DMD: variants seen among roughly 807,000 people sequenced by gnomAD.
DMD encodes the protein mutant dystrophin.
In DMD, 63 loss-of-function variants were observed where a neutral mutation model predicts 330.1. The observed-to-expected ratio is 0.19, with a 90% CI of 0.16 to 0.24. The LOEUF (loss-of-function observed/expected upper bound fraction) is 0.24. Ranked by LOEUF, DMD falls within the 10% of genes least tolerant of loss-of-function variation. DMD has a pLI of 1.00. For missense variants in DMD, 3,344 were observed against 2,684.1 expected, an observed-to-expected ratio of 1.25 and a Z score of -5.43; for synonymous variants, 1,223 against 959.8, an observed-to-expected ratio of 1.27 and a Z score of -5.07.
intron 60 of DMD, among the ~76,000 whole-genome samples, chrX:31,410,202 T>A (rs1409321335): frequency 8.9e-6 from 1 of 112,492 alleles, no homozygotes; most frequent in Non-Finnish European, 1.9e-5. Context: ...AATTTTGACC[T>A]TATTCATGCA....
At chrX:32,607,391 A>C (rs915392316) in intron 12 of DMD, among the ~76,000 whole-genome samples, 3 of 109,941 alleles carry the variant, frequency 2.7e-5, no homozygotes, top group Admixed American at 9.8e-5. Flanking sequence ...GTGTGCCAAA[A>C]CTGTAGACCA....
chrX:31,913,969 C>T (rs759304502), intron 47 of DMD, among the ~76,000 whole-genome samples: 1 of 112,124 alleles, frequency 8.9e-6, no homozygotes, highest in South Asian at 3.7e-4. Context: ...CAGATCCACC[C>T]GTTTTATGCT....
chrX:33,323,020 A>G (rs1234582541), intron 1 of DMD, among the ~76,000 whole-genome samples: 2 of 111,290 alleles, frequency 1.8e-5, no homozygotes, highest in Non-Finnish European at 1.9e-5. Context: ...CCAATTTATC[A>G]CCAGCTGTCA....
chrX:33,318,227 C>T (rs765274511), intron 1 of DMD, among the ~76,000 whole-genome samples: 4 of 109,518 alleles, frequency 3.7e-5, no homozygotes, highest in African/African-American at 1.3e-4. Context: ...TATGGAGTGG[C>T]GTATGAATAA....
intron 17 of DMD, among the ~76,000 whole-genome samples, chrX:32,521,700 T>C (rs1413750261): frequency 1.8e-5 from 2 of 112,398 alleles, no homozygotes; most frequent in Non-Finnish European, 3.8e-5. Context: ...AGTTTGATCT[T>C]CTCCCTCAAA....
In DMD at chrX:32,865,967, G is replaced by T. The variant is rs1207326235; in HGVS notation, c.94-16147C>A. Among the ~76,000 whole-genome samples the T allele has an allele frequency of 5.4e-5, 6 of 112,120 alleles. No individual in the cohort carries two copies. In the East Asian group the frequency reaches 1.7e-3, roughly 32 times the overall value. On this transcript the variant is annotated intron_variant, in intron 2 of 78. Transcript: ENST00000357033. Reference sequence around the variant, plus strand: ...CTATTTCCCTGCTTCTTAAATCTGGGTTGGCATTTGACTCATTTTGACCAA... The same window carrying T: ...CTATTTCCCTGCTTCTTAAATCTGGTTTGGCATTTGACTCATTTTGACCAA...
chrX:32,766,143 T>C (rs1882023961), intron 7 of DMD, among the ~76,000 whole-genome samples: 1 of 111,276 alleles, frequency 9.0e-6, no homozygotes, highest in Non-Finnish European at 1.9e-5. Flanking sequence ...CCCTTCAACT[T>C]CATTCTTTTT....
chrX:31,434,402 T>C (rs2064312919), intron 60 of DMD, among the ~76,000 whole-genome samples: 1 of 94,147 alleles, frequency 1.1e-5, no homozygotes, highest in African/African-American at 4.0e-5. Context: ...CCTCTCACCC[T>C]TACTGCAGCG....
chrX:33,209,732 G>A (rs1246977288), intron 1 of DMD, among the ~76,000 whole-genome samples: 2 of 110,790 alleles, frequency 1.8e-5, no homozygotes, highest in Non-Finnish European at 3.8e-5. Context: ...TAAATGCAGC[G>A]TGAAAAAATC....
At chrX:33,051,386 A>C (rs1224003309) in intron 1 of DMD, among the ~76,000 whole-genome samples, 2 of 107,324 alleles carry the variant, frequency 1.9e-5, no homozygotes, top group Non-Finnish European at 3.8e-5. Flanking sequence ...TAATTGTTGT[A>C]TTTTTAGTAG....
intron 52 of DMD, among the ~76,000 whole-genome samples, chrX:31,701,169 A>G (rs1360904987): frequency 8.9e-6 from 1 of 112,192 alleles, no homozygotes; most frequent in Non-Finnish European, 1.9e-5. Flanking sequence ...TATTTTTAAA[A>G]TCATGTAGAA....
At chrX:32,340,445 C>T (rs1428409815) in intron 41 of DMD, among the ~76,000 whole-genome samples, 1 of 111,508 alleles carries the variant, frequency 9.0e-6, no homozygotes, top group Admixed American at 9.6e-5. Context: ...TTACGTTGTA[C>T]AAATATTTGT....
intron 22 of DMD, among the ~76,000 whole-genome samples, chrX:32,469,580 T>G (rs1273709484): frequency 9.0e-6 from 1 of 111,414 alleles, no homozygotes; most frequent in Non-Finnish European, 1.9e-5. Flanking sequence ...CTTAATTTGT[T>G]TTTTTACTTT....
intron 1 of DMD, among the ~76,000 whole-genome samples, chrX:33,233,024 G>T (rs937621353): frequency 9.0e-6 from 1 of 110,884 alleles, no homozygotes; most frequent in Non-Finnish European, 1.9e-5. Context: ...GTACATGATG[G>T]TGACTATAAT....
At chrX:32,857,886 A>T (rs766503678) in intron 2 of DMD, among the ~76,000 whole-genome samples, 24 of 111,591 alleles carry the variant, frequency 2.2e-4, no homozygotes, top group Non-Finnish European at 3.0e-4. Context: ...TACATAGACC[A>T]AGGTCTTTTA....
chrX:32,052,854 A>T (rs2096127742), intron 44 of DMD, among the ~76,000 whole-genome samples: 1 of 111,339 alleles, frequency 9.0e-6, no homozygotes, highest in African/African-American at 3.3e-5. Flanking sequence ...TGTAATTGTC[A>T]TAGGCCCTTT....
chrX:31,828,323 T>G (rs1234576759), intron 49 of DMD, among the ~76,000 whole-genome samples: 1 of 111,435 alleles, frequency 9.0e-6, no homozygotes, highest in Admixed American at 9.6e-5. Context: ...ATGGATACAT[T>G]CCTGGAAACA....
intron 56 of DMD, among the ~76,000 whole-genome samples, chrX:31,501,482 A>C (rs1017031266): frequency 4.5e-5 from 5 of 112,222 alleles, no homozygotes; most frequent in Non-Finnish European, 5.6e-5. Context: ...CTTAGGGGTT[A>C]CTACCGTTTA....
chrX:32,506,274 G>A (rs1010319753), intron 18 of DMD, among the ~76,000 whole-genome samples: 1 of 110,183 alleles, frequency 9.1e-6, no homozygotes, highest in Non-Finnish European at 1.9e-5. Context: ...GTATCTGTGG[G>A]AGCCGGGTTA....
Sources: gnomAD v4.1 joint callset for allele counts (sites outside exome capture counted in the v4.1 genomes callset) on GRCh38, gnomAD v4.1.1 for gene constraint, MANE v1.5 for transcripts, NCBI Gene and HGNC (gene_info 2026-07-23, HGNC 2026-07-21) for gene names.